ABCC5: variants seen among roughly 807,000 people sequenced by gnomAD.
The protein encoded by ABCC5 is ATP-binding cassette sub-family C member 5.
ABCC5 carries 61 observed loss-of-function variants against 160.9 expected under a neutral mutation model. The ratio of observed to expected loss-of-function variants is 0.38; its 90% CI spans 0.31 to 0.47. The LOEUF (loss-of-function observed/expected upper bound fraction) is 0.47, where lower values mean the gene tolerates loss of function less well. Ranked by LOEUF, ABCC5 falls within the 20% of genes least tolerant of loss-of-function variation. ABCC5 has a pLI of 0.99. For missense variants in ABCC5, 1,308 were observed against 1,813.3 expected, an observed-to-expected ratio of 0.72 and a Z score of 5.06; for synonymous variants, 666 against 700.6, an observed-to-expected ratio of 0.95 and a Z score of 0.78.
intron 2 of ABCC5, among the ~76,000 whole-genome samples, chr3:184,003,749 C>G (rs756996509): frequency 5.9e-5 from 9 of 152,202 alleles, no homozygotes; most frequent in Non-Finnish European, 1.2e-4. Context: ...TCCATAATCA[C>G]CAGGAATTTG....
At chr3:183,993,167 T>C (rs1029267314) in intron 2 of ABCC5, among the ~76,000 whole-genome samples, 44 of 152,198 alleles carry the variant, frequency 2.9e-4, no homozygotes, top group African/African-American at 1.0e-3. Context: ...AGTCTACAAT[T>C]CCACTTTTGC....
chr3:183,927,277 G>A (rs917952140), intron 28 of ABCC5, 53 bp downstream of exon 28: 2 of 1,566,292 alleles, frequency 1.3e-6, no homozygotes, highest in Non-Finnish European at 1.7e-6. Context: ...TCAGGGCAAG[G>A]CTGCACTAAA....
At position 183,967,677 on chromosome 3, in the gene ABCC5, C is replaced by A. The variant is rs1420583048; in HGVS notation, c.1833+18G>T. 1 of 1,604,388 alleles carries A rather than the reference C, an allele frequency of 6.2e-7. No homozygotes were observed. Among genetic ancestry groups the A allele is most frequent in the Non-Finnish European group, 8.5e-7 (1 of 1,171,488 alleles). ...AACCAGAGAAAGCAGCAGAAAAGGA[C>A]AATAACAAAAATCTTACCTGGCCTA... On this transcript the variant is annotated intron_variant, in intron 12 of 29. Coordinates refer to ENST00000334444, the MANE Select transcript of ABCC5 (RefSeq NM_005688.4).
intron 26 of ABCC5, among the ~76,000 whole-genome samples, chr3:183,930,884 A>C (rs959027021): frequency 5.9e-5 from 9 of 152,200 alleles, no homozygotes; most frequent in African/African-American, 2.2e-4. Flanking sequence ...CACATACAGC[A>C]AGTAAGTCCA....
chr3:183,928,681 G>A (rs1310602943), intron 27 of ABCC5, 66 bp downstream of exon 27: 1 of 1,450,892 alleles, frequency 6.9e-7, no homozygotes, highest in Non-Finnish European at 9.7e-7. Flanking sequence ...ACGGGGTGTG[G>A]CAAGGGCACT....
At chr3:184,013,548 C>G (rs1721933949) in intron 2 of ABCC5, among the ~76,000 whole-genome samples, 1 of 152,150 alleles carries the variant, frequency 6.6e-6, no homozygotes, top group South Asian at 2.1e-4. Context: ...GCCACTGTGC[C>G]TGGCCAGGTT....
chr3:183,935,801 C>A (rs1713657445), intron 26 of ABCC5, among the ~76,000 whole-genome samples: 1 of 152,194 alleles, frequency 6.6e-6, no homozygotes, highest in Non-Finnish European at 1.5e-5. Context: ...CACGCCTGAC[C>A]AATAAATTCT....
chr3:183,993,184 C>G (rs1278225543), intron 2 of ABCC5, among the ~76,000 whole-genome samples: 1 of 152,020 alleles, frequency 6.6e-6, no homozygotes, highest in African/African-American at 2.4e-5. Flanking sequence ...TTGCAAATGT[C>G]TTCGTGAAGG....
chr3:183,921,031 C>A lies in ABCC5; in HGVS notation c.*269G>T. 1 of 316,902 alleles carries A rather than the reference C, an allele frequency of 3.2e-6. No homozygotes were observed. The highest frequency in any genetic ancestry group is 5.8e-6 in the Non-Finnish European group (1 of 173,112). 19.6% of individuals were successfully genotyped at this position (316,902 alleles called of 1,614,324 possible). On this transcript the variant is annotated 3_prime_UTR_variant, in exon 30 of 30. Transcript: ENST00000334444. This position sits in a 1 kb window ranked among gnomAD's most constrained non-coding sequence, Gnocchi z 4.1. The stretch of plus-strand genomic sequence containing the variant: ...ACACGTATAAAGCTTCATTATAGGC[C>A]TCTGATACAATTATAATAACGGTTC...
At chr3:183,993,301 T>A (rs1054391656) in intron 2 of ABCC5, among the ~76,000 whole-genome samples, 1 of 152,006 alleles carries the variant, frequency 6.6e-6, no homozygotes, top group South Asian at 2.1e-4. Flanking sequence ...CTGGTCAACA[T>A]GGTGAATCCC....
chr3:183,956,328 G>T (rs536727124), intron 17 of ABCC5, among the ~76,000 whole-genome samples: 16 of 145,234 alleles, frequency 1.1e-4, no homozygotes, highest in East Asian at 4.2e-4. Context: ...AAATCACATC[G>T]GTTACATGCA....
Position 183,925,836 on chromosome 3 carries a change from CTTTCT to C in ABCC5, c.4048-122_4048-118del, listed in dbSNP as rs754367508. The C allele has an allele frequency of 1.2e-4, 104 of 898,512 alleles. No individual in the cohort carries two copies. In the East Asian group the frequency reaches 2.6e-3, roughly 22 times the overall value. 55.7% of individuals were successfully genotyped at this position (898,512 alleles called of 1,614,324 possible). On this transcript the variant is annotated intron_variant, in intron 28 of 29. Transcript: ENST00000334444. ...TTTACACTATCTATTGTTTTCTTTT[CTTTCT>C]TTTTTTTTTTTTTTTGAGACGGAGT...
Position 183,963,552 on chromosome 3 carries a change from G to A in ABCC5, c.2068C>T (p.Arg690Cys), listed in dbSNP as rs758923588. The A allele has an allele frequency of 4.3e-6, 7 of 1,613,994 alleles. No individual in the cohort carries two copies. Among genetic ancestry groups the A allele is most frequent in the South Asian group, 1.1e-5 (1 of 91,066 alleles). Residue 690 changes from arginine (R) to cysteine (C), a missense_variant, in exon 15 of 30, where the codon CGC becomes TGC. Physicochemically the swap from Arg to Cys is radical, Grantham distance 180. Coordinates refer to ENST00000334444, the MANE Select transcript of ABCC5 (RefSeq NM_005688.4). This position sits in a 1 kb window ranked among gnomAD's most constrained non-coding sequence, Gnocchi z 4.6. ...GCCCGGGCAAGGCTGATCCTCTGGC[G>A]CTGCCCACCGCTCAGGTTGGCTCCT... ...ERGANLSGGQRQRISLARALY... is the reference protein window; with the variant it reads ...ERGANLSGGQCQRISLARALY...
intron 24 of ABCC5, among the ~76,000 whole-genome samples, chr3:183,945,292 CG>C (rs944407004): frequency 6.6e-6 from 1 of 152,188 alleles, no homozygotes; most frequent in Non-Finnish European, 1.5e-5. Flanking sequence ...CACGGCAAGA[CG>C]GAAGGGGTTC....
At chr3:183,970,317 C>T (rs546607497) in intron 11 of ABCC5, among the ~76,000 whole-genome samples, 1 of 152,260 alleles carries the variant, frequency 6.6e-6, no homozygotes, top group Admixed American at 6.5e-5. Flanking sequence ...AGGTAGCTCT[C>T]TCCCTCATCT....
At chr3:183,972,265 T>C (rs1271485145) in intron 10 of ABCC5, among the ~76,000 whole-genome samples, 1 of 152,142 alleles carries the variant, frequency 6.6e-6, no homozygotes, top group Non-Finnish European at 1.5e-5. Context: ...AAAAAGCAGG[T>C]AGGAAAAGCA....
intron 25 of ABCC5, among the ~76,000 whole-genome samples, chr3:183,940,090 G>T (rs991925603): frequency 2.0e-5 from 3 of 152,096 alleles, no homozygotes; most frequent in Admixed American, 1.3e-4. Context: ...AGGAAACTTG[G>T]AAAAAGCTGT....
chr3:183,941,388 C>T (rs1474527091), intron 25 of ABCC5, among the ~76,000 whole-genome samples: 1 of 152,154 alleles, frequency 6.6e-6, no homozygotes, highest in Non-Finnish European at 1.5e-5. Context: ...AGATTCCCTT[C>T]CAGCATGAAA....
At chr3:183,971,502 G>T in intron 11 of ABCC5, 61 bp downstream of exon 11, 3 of 1,479,794 alleles carry the variant, frequency 2.0e-6, no homozygotes, top group South Asian at 1.2e-5. Context: ...GCCGCCTATT[G>T]GTGGCAGATC....
Sources: gnomAD v4.1 joint callset for allele counts (sites outside exome capture counted in the v4.1 genomes callset) on GRCh38, gnomAD v4.1.1 for gene constraint, Gnocchi (gnomAD v3.1) non-coding constraint, MANE v1.5 for transcripts, NCBI Gene and HGNC (gene_info 2026-07-23, HGNC 2026-07-21) for gene names.